VDAC1: variants seen among roughly 807,000 people sequenced by gnomAD.
VDAC1 encodes the protein non-selective voltage-gated ion channel VDAC1.
In VDAC1, 10 loss-of-function variants were observed where a neutral mutation model predicts 34.7. The ratio of observed to expected loss-of-function variants is 0.29; its 90% confidence interval spans 0.18 to 0.49. VDAC1 has a LOEUF of 0.49. VDAC1 is among the 20% of genes least tolerant of loss of function. The probability of loss-of-function intolerance (pLI) is 0.99; values close to 1 mark genes in which losing one functional copy is unlikely to be tolerated. For synonymous variants in VDAC1, 130 were observed against 136.0 expected, an observed-to-expected ratio of 0.96 and a Z score of 0.30; for missense variants, 230 against 347.9, an observed-to-expected ratio of 0.66 and a Z score of 2.69.
At chr5:134,033,851 G>C in the VDAC1 span, among the ~76,000 whole-genome samples, 5 of 151,954 alleles carry the variant, frequency 3.3e-5, no homozygotes, top group Admixed American at 2.0e-4. Context: ...AATTAGCCGG[G>C]AGTGGTGGCA....
the VDAC1 span, among the ~76,000 whole-genome samples, chr5:134,085,566 G>A: frequency 6.6e-6 from 1 of 151,226 alleles, no homozygotes; most frequent in African/African-American, 2.4e-5. Flanking sequence ...ACACCTCAGG[G>A]GTTTGCATGG....
the VDAC1 span, among the ~76,000 whole-genome samples, chr5:134,051,210 G>A: frequency 1.3e-5 from 2 of 152,196 alleles, no homozygotes; most frequent in African/African-American, 4.8e-5. Flanking sequence ...AGCCAGGGGG[G>A]CCAGGCCCTA....
chr5:134,040,302 A>G, the VDAC1 span, among the ~76,000 whole-genome samples: 40 of 152,232 alleles, frequency 2.6e-4, no homozygotes, highest in Admixed American at 9.8e-4. Context: ...ATAGGCCAGG[A>G]GCAGTGGCTC....
intron 5 of VDAC1, among the ~76,000 whole-genome samples, chr5:133,981,236 T>C (rs1280984452): frequency 6.6e-6 from 1 of 152,188 alleles, no homozygotes; most frequent in Admixed American, 6.5e-5. Flanking sequence ...CCTATCCTCT[T>C]TGTATGCTTA....
chr5:133,998,697 G>A (rs1753427764), intron 1 of VDAC1, among the ~76,000 whole-genome samples: 2 of 152,256 alleles, frequency 1.3e-5, no homozygotes, highest in South Asian at 4.1e-4. Flanking sequence ...AGATGGAAGA[G>A]TTATCAGGCA....
the VDAC1 span, among the ~76,000 whole-genome samples, chr5:134,040,747 A>T: frequency 6.6e-6 from 1 of 152,216 alleles, no homozygotes; most frequent in East Asian, 1.9e-4. Flanking sequence ...TTAAAAAATA[A>T]AAAGAGCAGT....
intron 5 of VDAC1, among the ~76,000 whole-genome samples, chr5:133,990,202 G>C (rs1361237063): frequency 6.6e-6 from 1 of 152,214 alleles, no homozygotes; most frequent in Non-Finnish European, 1.5e-5. Context: ...TGGCCAGAAG[G>C]CCTGGGGAAA....
chr5:134,000,128 C>T (rs542418183), intron 1 of VDAC1, among the ~76,000 whole-genome samples: 11 of 152,170 alleles, frequency 7.2e-5, no homozygotes, highest in Non-Finnish European at 1.3e-4. Flanking sequence ...CACACACACA[C>T]ACTCCAGCAC....
chr5:134,108,670 CAGTG>C, the VDAC1 span, among the ~76,000 whole-genome samples: 1 of 152,028 alleles, frequency 6.6e-6, no homozygotes, highest in Admixed American at 6.5e-5. Context: ...CAGGGAGAGC[CAGTG>C]TCCTGGGGAG....
At chr5:134,043,949 A>C in the VDAC1 span, among the ~76,000 whole-genome samples, 1 of 152,112 alleles carries the variant, frequency 6.6e-6, no homozygotes, top group African/African-American at 2.4e-5. Context: ...TCCAGCCCTG[A>C]CAGGTAGGTG....
At chr5:133,973,737 GCAC>G (rs746182745) in intron 8 of VDAC1, 51 bp downstream of exon 8, 27 of 1,554,254 alleles carry the variant, frequency 1.7e-5, no homozygotes, top group Non-Finnish European at 2.3e-5. Context: ...CAGCAAACCA[GCAC>G]CACAATTTTT....
At chr5:134,044,108 G>C in the VDAC1 span, among the ~76,000 whole-genome samples, 1 of 152,106 alleles carries the variant, frequency 6.6e-6, no homozygotes, top group Non-Finnish European at 1.5e-5. Flanking sequence ...TCAGTACCCT[G>C]CCTCCCATCC....
the VDAC1 span, among the ~76,000 whole-genome samples, chr5:134,040,159 G>A: frequency 1.3e-5 from 2 of 152,210 alleles, no homozygotes; most frequent in African/African-American, 2.4e-5. Context: ...TGGCTGGCAC[G>A]GTGGCTCACA....
the VDAC1 span, among the ~76,000 whole-genome samples, chr5:134,113,159 A>G: frequency 0.9 from 136,574 of 152,244 alleles, 61,328 homozygotes; most frequent in Admixed American, 0.93. Context: ...AGGCGAGACT[A>G]AGCGGCAAGC....
the VDAC1 span, among the ~76,000 whole-genome samples, chr5:134,049,971 C>T: frequency 1.3e-5 from 2 of 152,148 alleles, no homozygotes; most frequent in Admixed American, 6.5e-5. Context: ...CCACCACCGC[C>T]CAGGCGCGGT....
the VDAC1 span, among the ~76,000 whole-genome samples, chr5:134,010,794 A>G: frequency 6.6e-6 from 1 of 152,192 alleles, no homozygotes; most frequent in South Asian, 2.1e-4. Flanking sequence ...AAAAACAAAC[A>G]AAACAAAACA....
At chr5:133,984,202 G>A (rs1455661794) in intron 5 of VDAC1, among the ~76,000 whole-genome samples, 4 of 151,968 alleles carry the variant, frequency 2.6e-5, no homozygotes, top group African/African-American at 9.7e-5. Flanking sequence ...ACTGACTATA[G>A]GTGCGCACCA....
At chr5:134,111,031 C>T in the VDAC1 span, among the ~76,000 whole-genome samples, 1 of 152,184 alleles carries the variant, frequency 6.6e-6, no homozygotes, top group Non-Finnish European at 1.5e-5. Flanking sequence ...GGCTGCTGTT[C>T]TAAGCTCTTC....
chr5:134,053,476 G>A, the VDAC1 span, among the ~76,000 whole-genome samples: 2 of 152,230 alleles, frequency 1.3e-5, no homozygotes, highest in Non-Finnish European at 1.5e-5. Context: ...CGTGCCAGGG[G>A]CAGGCGCCAG....
Sources: gnomAD v4.1 joint callset for allele counts (sites outside exome capture counted in the v4.1 genomes callset) on GRCh38, gnomAD v4.1.1 for gene constraint, MANE v1.5 for transcripts, NCBI Gene and HGNC (gene_info 2026-07-23, HGNC 2026-07-21) for gene names.